The following CACNA1B variants were observed in gnomAD, a reference collection of about 807,000 sequenced individuals.
CACNA1B encodes voltage-dependent N-type calcium channel subunit alpha-1B.
A neutral mutation model predicts 247.2 loss-of-function variants in CACNA1B; 70 were observed. The observed-to-expected ratio is 0.28, with a 90% confidence interval of 0.23 to 0.35. CACNA1B has a LOEUF of 0.35. Ranked by LOEUF, CACNA1B falls within the 10% of genes least tolerant of loss-of-function variation. The pLI is 1.00. For missense variants in CACNA1B, 2,367 were observed against 3,197.4 expected (o/e 0.74, Z 6.26); for synonymous variants, 1,231 against 1,294.4 (o/e 0.95, Z 1.05).
At chr9:138,120,931 C>T (rs1327069705) in intron 46 of CACNA1B, 50 bp downstream of exon 46, 7 of 1,522,196 alleles carry the variant, frequency 4.6e-6, no homozygotes, top group Non-Finnish European at 5.3e-6. Context: ...CTCCTCGGCC[C>T]AGCACCCCTG....
At position 137,914,912 on chromosome 9, in the gene CACNA1B, C is replaced by A. The variant is rs1957393885; in HGVS notation, c.775+106C>A. The A allele has an allele frequency of 8.0e-7, 1 of 1,255,956 alleles. No individual in the cohort carries two copies. Among genetic ancestry groups the A allele is most frequent in the Non-Finnish European group, 1.1e-6 (1 of 916,972 alleles). 77.8% of individuals were successfully genotyped at this position (1,255,956 alleles called of 1,614,324 possible). On this transcript the variant is annotated intron_variant, in intron 5 of 46. Coordinates refer to ENST00000371372, the MANE Select transcript of CACNA1B (RefSeq NM_000718.4). This position sits in a 1 kb window ranked among gnomAD's most constrained non-coding sequence, Gnocchi z 4.3. ...AGAGGGGCCTTCTTGGTGCCAGATA[C>A]ATGAGGTGGAGCTGACATTCTAGTG... is the stretch of plus-strand genomic sequence containing the variant.
At chr9:138,115,146 T>C (rs1304650455) in intron 41 of CACNA1B, among the ~76,000 whole-genome samples, 3 of 152,122 alleles carry the variant, frequency 2.0e-5, no homozygotes, top group Admixed American at 6.5e-5. Flanking sequence ...CCCTGAAATC[T>C]CGGAATTTTG....
In CACNA1B at chr9:137,992,115, G is replaced by A. The variant is rs117196684; in HGVS notation, c.1974+5261G>A. 4.7e-3 allele frequency among the ~76,000 whole-genome samples: 717 copies of A among 152,264 alleles called. 3 individuals are homozygous for A. Among genetic ancestry groups the A allele is most frequent in the Non-Finnish European group, 8.3e-3 (564 of 68,026 alleles). On this transcript the variant is annotated intron_variant, in intron 15 of 46. Transcript: ENST00000371372. The stretch of plus-strand genomic sequence containing the variant: ...CTCAATATTAATGTTGAATGTAAAT[G>A]ACCTAAATGCTCCACTTAAAAGATA...
At chr9:138,120,967 G>T in intron 46 of CACNA1B, 86 bp downstream of exon 46, 1 of 1,428,530 alleles carries the variant, frequency 7.0e-7, no homozygotes, top group Non-Finnish European at 9.4e-7. Context: ...CCTCTCCCCA[G>T]GGCCTCGCTG....
intron 6 of CACNA1B, among the ~76,000 whole-genome samples, chr9:137,918,432 C>T (rs533257504): frequency 1.8e-4 from 28 of 152,110 alleles, no homozygotes; most frequent in African/African-American, 6.7e-4. Flanking sequence ...AAGGGTCAGG[C>T]GCCTGTGGGT....
intron 6 of CACNA1B, among the ~76,000 whole-genome samples, chr9:137,936,984 G>A (rs888595566): frequency 6.6e-6 from 1 of 152,148 alleles, no homozygotes; most frequent in African/African-American, 2.4e-5. Flanking sequence ...GGTTCCATAT[G>A]AACTTTAAAG....
chr9:138,049,772 G>A (rs138184285), intron 24 of CACNA1B, among the ~76,000 whole-genome samples: 2 of 152,334 alleles, frequency 1.3e-5, no homozygotes, highest in African/African-American at 2.4e-5. Flanking sequence ...ACTGGTGGTC[G>A]CCTTCCCCTT....
chr9:138,056,933 G>GTTTTTTTTTT (rs138277172), intron 26 of CACNA1B, among the ~76,000 whole-genome samples: 1 of 113,496 alleles, frequency 8.8e-6, no homozygotes. Context: ...TTTTATTTGG[G>GTTTTTTTTTT]TTTTTTTTTT....
Position 138,054,108 on chromosome 9 carries a change from G to A in CACNA1B, c.3968+102G>A. 1.8e-6 allele frequency: 2 copies of A among 1,117,218 alleles called. No individual in the cohort carries two copies. Among genetic ancestry groups the A allele is most frequent in the Non-Finnish European group, 2.7e-6 (2 of 745,646 alleles). The allele number at this position is 1,117,218 out of a possible 1,614,324, so 69.2% of individuals were successfully genotyped here. A position where few individuals can be genotyped will look rare whatever the true frequency, so the allele number is the denominator to read the frequency against. The stretch of plus-strand genomic sequence containing the variant: ...GTGGAGCTGGTCACACGGCGTGGGA[G>A]ACTCCACTGCAGAGCATCACGGACC... On this transcript the variant is annotated intron_variant, in intron 26 of 46. Coordinates refer to ENST00000371372, the MANE Select transcript of CACNA1B (RefSeq NM_000718.4). The surrounding 1 kb of genome is among the most constrained non-coding windows in gnomAD (Gnocchi z 4.6).
chr9:138,023,474 G>A lies in CACNA1B; in HGVS notation c.2731G>A (p.Gly911Ser), dbSNP rs1958876763. 2.6e-6 allele frequency: 3 copies of A among 1,159,248 alleles called. No homozygotes were observed. In the South Asian group the frequency reaches 1.2e-4, roughly 47 times the overall value. 71.8% of individuals were successfully genotyped at this position (1,159,248 alleles called of 1,614,324 possible). ...GCGGAGCGAGCGCGGCCGAGGCCCA[G>A]GCCCCGAGGGCGGCCGGCGGCACCA... Reference protein sequence around the residue: ...EARSERGRGPGPEGGRRHHRR... With the variant: ...EARSERGRGPSPEGGRRHHRR... Residue 911 changes from glycine to serine, a missense_variant, in exon 19 of 47, where the codon GGC becomes AGC. This residue lies in a region of CACNA1B where 631 missense variants were observed against 631.1 expected (regional missense o/e 1.00). Coordinates refer to ENST00000371372, the MANE Select transcript of CACNA1B (RefSeq NM_000718.4).
chr9:138,023,647 G>T lies in CACNA1B; in HGVS notation c.2904G>T (p.Glu968Asp). 1 of 1,429,222 alleles carries T rather than the reference G, an allele frequency of 7.0e-7. No individual in the cohort carries two copies. Among genetic ancestry groups the T allele is most frequent in the Non-Finnish European group, 9.2e-7 (1 of 1,084,726 alleles). 88.5% of individuals were successfully genotyped at this position (1,429,222 alleles called of 1,614,324 possible). A position where few individuals can be genotyped will look rare whatever the true frequency, so the allele number is the denominator to read the frequency against. Residue 968 changes from glutamate to aspartate, a missense_variant, in exon 19 of 47, where the codon GAG (glutamate) becomes GAT (aspartate). This residue lies in a region of CACNA1B where 631 missense variants were observed against 631.1 expected (regional missense o/e 1.00). Transcript: ENST00000371372. ...GCGGCCCCCGAGCGGGGCCCCGGGA[G>T]GCGGAGAGCGGGGAGGAGCCGGCGC... ...HRGGPRAGPR[E>D]AESGEEPARR... is the part of the protein sequence containing the mutation.
At position 138,023,672 on chromosome 9, in the gene CACNA1B, C is replaced by T; in HGVS notation, c.2929C>T (p.Arg977Trp). 6 of 1,498,692 alleles carry T rather than the reference C, an allele frequency of 4.0e-6. No individual in the cohort carries two copies. The highest frequency in any genetic ancestry group is 1.5e-5 in the African/African-American group (1 of 68,380). The allele number at this position is 1,498,692 out of a possible 1,614,324, so 92.8% of individuals were successfully genotyped here. A position where few individuals can be genotyped will look rare whatever the true frequency, so the allele number is the denominator to read the frequency against. Reference sequence around the variant, plus strand: ...GGCGGAGAGCGGGGAGGAGCCGGCGCGGCGGCACCGGGCCCGGCACAAGGC... The same window carrying T: ...GGCGGAGAGCGGGGAGGAGCCGGCGTGGCGGCACCGGGCCCGGCACAAGGC... ...REAESGEEPARRHRARHKAQP... is the reference protein window; with the variant it reads ...REAESGEEPAWRHRARHKAQP... The change falls in exon 19 of 47, where the codon CGG becomes TGG. Residue 977 changes from arginine to tryptophan, a missense_variant. This residue lies in a region of CACNA1B where 631 missense variants were observed against 631.1 expected (regional missense o/e 1.00). Transcript: ENST00000371372.
At chr9:138,022,277 A>G (rs1029172091) in intron 18 of CACNA1B, among the ~76,000 whole-genome samples, 1 of 152,136 alleles carries the variant, frequency 6.6e-6, no homozygotes, top group African/African-American at 2.4e-5. Context: ...GGGAGGTGGC[A>G]TTTCCAGCTT....
chr9:138,036,326 A>C (rs966633778), intron 20 of CACNA1B, among the ~76,000 whole-genome samples: 5 of 152,084 alleles, frequency 3.3e-5, no homozygotes, highest in African/African-American at 1.2e-4. Flanking sequence ...TTTTTAGTAG[A>C]GATGGCGTTT....
chr9:138,057,633 G>A lies in CACNA1B; in HGVS notation c.3969-99G>A, dbSNP rs1959560179. 6.8e-6 allele frequency: 8 copies of A among 1,168,562 alleles called. No homozygotes were observed. Among genetic ancestry groups the A allele is most frequent in the Non-Finnish European group, 9.7e-6 (8 of 821,846 alleles). 72.4% of individuals were successfully genotyped at this position (1,168,562 alleles called of 1,614,324 possible). A position where few individuals can be genotyped will look rare whatever the true frequency, so the allele number is the denominator to read the frequency against. ...TTTCCCAGCACAGTCTGTTGGAGAG[G>A]CCATTCTTTCCCCACGGAATGGTTT... On this transcript the variant is annotated intron_variant, in intron 26 of 46. Coordinates refer to ENST00000371372, the MANE Select transcript of CACNA1B (RefSeq NM_000718.4). This position sits in a 1 kb window ranked among gnomAD's most constrained non-coding sequence, Gnocchi z 4.0.
chr9:138,080,149 G>A (rs1400061395), intron 36 of CACNA1B, among the ~76,000 whole-genome samples: 2 of 152,178 alleles, frequency 1.3e-5, no homozygotes, highest in African/African-American at 4.8e-5. Context: ...TCAGTACAAG[G>A]GTAGAAAAGT....
chr9:137,966,978 TAA>T (rs10710861), intron 10 of CACNA1B, among the ~76,000 whole-genome samples: 92 of 147,870 alleles, frequency 6.2e-4, no homozygotes, highest in African/African-American at 1.9e-3. Context: ...TTTTTTTTTT[TAA>T]AAAAAAAACC....
chr9:137,992,123 TGCTCCACTTAAAA>T (rs1158374345), intron 15 of CACNA1B, among the ~76,000 whole-genome samples: 2 of 152,206 alleles, frequency 1.3e-5, no homozygotes, highest in Non-Finnish European at 2.9e-5. Flanking sequence ...ATGACCTAAA[TGCTCCACTTAAAA>T]GATAGAGAAT....
chr9:137,878,880 G>C (rs1956875818), intron 1 of CACNA1B, among the ~76,000 whole-genome samples, 174 bp from the exon 2 acceptor site: 1 of 152,192 alleles, frequency 6.6e-6, no homozygotes, highest in Non-Finnish European at 1.5e-5. Flanking sequence ...CCCTAGGGAT[G>C]GGGGCAGGGA....
Sources: allele counts gnomAD v4.1 joint callset (sites outside exome capture counted in the v4.1 genomes callset), GRCh38; gene constraint gnomAD v4.1.1; regional missense constraint gnomAD v4.1.1; non-coding constraint Gnocchi (gnomAD v3.1); transcripts MANE v1.5; gene names NCBI Gene and HGNC (gene_info 2026-07-23, HGNC 2026-07-21).